The following AUTS2 variants were observed in gnomAD, a reference collection of about 807,000 sequenced individuals.
The protein encoded by AUTS2 is autism susceptibility gene 2 protein.
In AUTS2, 17 loss-of-function variants were observed where a neutral mutation model predicts 112.4. That is an observed-to-expected ratio of 0.15 (90% CI 0.10 to 0.23). The LOEUF is 0.23. AUTS2 is among the 10% of genes least tolerant of loss of function. The pLI is 1.00. For synonymous variants in AUTS2, 751 were observed against 702.7 expected (o/e 1.07, Z -1.09); for missense variants, 1,510 against 1,701.6 (o/e 0.89, Z 1.98).
At chr7:70,017,474 G>A (rs544008760) in intron 2 of AUTS2, among the ~76,000 whole-genome samples, 1 of 152,310 alleles carries the variant, frequency 6.6e-6, no homozygotes, top group South Asian at 2.1e-4. Flanking sequence ...CAGCTGCAGG[G>A]CAGAGCAGTG....
In AUTS2 at chr7:70,410,520, C is replaced by T. The variant is rs922997192; in HGVS notation, c.661-25232C>T. Among the ~76,000 whole-genome samples the T allele has an allele frequency of 2.0e-5, 3 of 151,512 alleles. No individual in the cohort carries two copies. In the East Asian group the frequency reaches 5.9e-4, roughly 30 times the overall value. On this transcript the variant is annotated intron_variant, in intron 4 of 18. Coordinates refer to ENST00000342771, the MANE Select transcript of AUTS2 (RefSeq NM_015570.4). ...CTCACTGCACCCTTGATCTTCTGGG[C>T]TTGATTGAGCCTCCCACATCTGCCT...
intron 5 of AUTS2, among the ~76,000 whole-genome samples, chr7:70,646,667 A>G (rs556791872): frequency 2.0e-5 from 3 of 152,332 alleles, no homozygotes; most frequent in East Asian, 3.9e-4. Context: ...AATCATTGCC[A>G]TTTGTGCGGC....
chr7:69,628,733 G>A (rs1794079969), intron 1 of AUTS2, among the ~76,000 whole-genome samples: 1 of 152,094 alleles, frequency 6.6e-6, no homozygotes, highest in Non-Finnish European at 1.5e-5. Context: ...ACTCTTTCAC[G>A]AGAACAGCAG....
chr7:70,472,255 C>T (rs1226159512), intron 5 of AUTS2, among the ~76,000 whole-genome samples: 1 of 152,084 alleles, frequency 6.6e-6, no homozygotes, highest in Non-Finnish European at 1.5e-5. Flanking sequence ...GACCGAGTTA[C>T]GATTTATATG....
intron 2 of AUTS2, among the ~76,000 whole-genome samples, chr7:70,008,175 T>C (rs925923597): frequency 6.6e-6 from 1 of 152,204 alleles, no homozygotes; most frequent in Non-Finnish European, 1.5e-5. Context: ...AAGAAAATTG[T>C]ATGAATGTTT....
At chr7:70,435,269 C>A (rs542069933) in intron 4 of AUTS2, among the ~76,000 whole-genome samples, 1 of 152,352 alleles carries the variant, frequency 6.6e-6, no homozygotes, top group Non-Finnish European at 1.5e-5. Context: ...CTACAACGCC[C>A]AGAGGTTTAC....
intron 6 of AUTS2, among the ~76,000 whole-genome samples, chr7:70,739,083 T>C (rs28617213): frequency 3.6e-5 from 5 of 138,418 alleles, no homozygotes; most frequent in East Asian, 2.3e-4. Flanking sequence ...TGGAGCACGG[T>C]GTTGCTGTCA....
chr7:69,622,442 T>A (rs552577942), intron 1 of AUTS2, among the ~76,000 whole-genome samples: 6 of 152,244 alleles, frequency 3.9e-5, no homozygotes, highest in Non-Finnish European at 8.8e-5. Context: ...TAGAGTTTTG[T>A]CTGGGGTTAG....
At position 70,777,052 on chromosome 7, in the gene AUTS2, G is replaced by A. The variant is rs780023948; in HGVS notation, c.1933-51G>A. 1.9e-6 allele frequency: 3 copies of A among 1,577,802 alleles called. No individual in the cohort carries two copies. The South Asian group carries it at 3.3e-5, about 17-fold the overall frequency. Reference sequence around the variant, plus strand: ...GAAAGCTTTGGGGAAATTGAAGGTGGTTTTCTCTGAAATGTCTTCCTCCTA... The same window carrying A: ...GAAAGCTTTGGGGAAATTGAAGGTGATTTTCTCTGAAATGTCTTCCTCCTA... On this transcript the variant is annotated intron_variant, in intron 13 of 18. Coordinates refer to ENST00000342771, the MANE Select transcript of AUTS2 (RefSeq NM_015570.4).
intron 4 of AUTS2, among the ~76,000 whole-genome samples, chr7:70,231,819 G>C (rs1030686254): frequency 2.6e-5 from 4 of 151,450 alleles, no homozygotes; most frequent in African/African-American, 9.7e-5. Context: ...CTGTAGCCAG[G>C]CTGGAGTGCA....
intron 1 of AUTS2, among the ~76,000 whole-genome samples, chr7:69,670,061 G>C (rs538260791): frequency 2.8e-4 from 42 of 152,226 alleles, no homozygotes; most frequent in African/African-American, 1.0e-3. Context: ...AGGTGATTTA[G>C]GAGCTTATGT....
intron 5 of AUTS2, among the ~76,000 whole-genome samples, chr7:70,516,615 C>T (rs963722008): frequency 1.3e-5 from 2 of 152,064 alleles, no homozygotes; most frequent in African/African-American, 4.8e-5. Context: ...TCAGAATAAC[C>T]CACCTTTCCT....
At chr7:69,936,609 A>G (rs954361957) in intron 2 of AUTS2, among the ~76,000 whole-genome samples, 36 of 152,162 alleles carry the variant, frequency 2.4e-4, no homozygotes, top group Non-Finnish European at 1.5e-4. Flanking sequence ...TAGGCCTCCC[A>G]AAGTGCTGGG....
At chr7:70,145,629 C>T (rs1807087405) in intron 4 of AUTS2, among the ~76,000 whole-genome samples, 1 of 152,066 alleles carries the variant, frequency 6.6e-6, no homozygotes, top group Non-Finnish European at 1.5e-5. Flanking sequence ...ATGTTATACA[C>T]AGTAGTGTCC....
At chr7:70,530,349 T>TGTG (rs1302848745) in intron 5 of AUTS2, among the ~76,000 whole-genome samples, 2 of 152,126 alleles carry the variant, frequency 1.3e-5, no homozygotes, top group Non-Finnish European at 2.9e-5. Context: ...ACAGATAGTC[T>TGTG]GTGGGTGTTA....
At chr7:69,622,458 G>A (rs1228876104) in intron 1 of AUTS2, among the ~76,000 whole-genome samples, 1 of 152,196 alleles carries the variant, frequency 6.6e-6, no homozygotes, top group Non-Finnish European at 1.5e-5. Flanking sequence ...GTTAGATACT[G>A]TGGGCTCCAG....
chr7:70,727,776 GACCTGACCTA>G (rs2073303488), intron 6 of AUTS2, among the ~76,000 whole-genome samples: 1 of 152,202 alleles, frequency 6.6e-6, no homozygotes. Flanking sequence ...GTAAATTTCA[GACCTGACCTA>G]ACAAGTTAAA....
chr7:70,388,469 G>A (rs995691504), intron 4 of AUTS2, among the ~76,000 whole-genome samples: 2 of 152,066 alleles, frequency 1.3e-5, no homozygotes, highest in African/African-American at 4.8e-5. Context: ...TAGATGACAG[G>A]CTTTATGTCA....
chr7:69,856,590 A>G (rs1792733897), intron 1 of AUTS2, among the ~76,000 whole-genome samples: 1 of 152,114 alleles, frequency 6.6e-6, no homozygotes, highest in South Asian at 2.1e-4. Flanking sequence ...CTCATTACAG[A>G]CTAAGCTGGA....
Sources: allele counts gnomAD v4.1 joint callset (sites outside exome capture counted in the v4.1 genomes callset), GRCh38; gene constraint gnomAD v4.1.1; transcripts MANE v1.5; gene names NCBI Gene and HGNC (gene_info 2026-07-23, HGNC 2026-07-21).